The following IL1RAPL1 variants were observed in gnomAD, a reference collection of about 807,000 sequenced individuals.
IL1RAPL1 encodes interleukin-1 receptor accessory protein-like 1.
In IL1RAPL1, 3 loss-of-function variants were observed where a neutral mutation model predicts 48.4. That is an observed-to-expected ratio of 0.06 (90% confidence interval 0.03 to 0.16). IL1RAPL1 has a LOEUF of 0.16. IL1RAPL1 is among the 10% of genes least tolerant of loss of function. The pLI is 1.00. For synonymous variants in IL1RAPL1, 185 were observed against 187.7 expected (o/e 0.99, Z 0.12); for missense variants, 349 against 530.6 (o/e 0.66, Z 3.36).
chrX:29,149,568 G>A (rs748079959), intron 2 of IL1RAPL1, among the ~76,000 whole-genome samples: 1 of 111,731 alleles, frequency 9.0e-6, no homozygotes, highest in South Asian at 3.8e-4. Flanking sequence ...TTTCAGATTT[G>A]AAAGAAACCT....
chrX:29,319,952 T>C (rs1197626929), intron 3 of IL1RAPL1, among the ~76,000 whole-genome samples: 1 of 111,998 alleles, frequency 8.9e-6, no homozygotes, highest in African/African-American at 3.2e-5. Flanking sequence ...ACTAGGAAGT[T>C]GGCAATAAAT....
intron 6 of IL1RAPL1, among the ~76,000 whole-genome samples, chrX:29,842,002 A>C (rs895296252): frequency 1.8e-5 from 2 of 112,162 alleles, no homozygotes; most frequent in Non-Finnish European, 3.8e-5. Flanking sequence ...CACAGAATGC[A>C]CTTAATGCCT....
chrX:28,909,206 A>G (rs1340916925), intron 2 of IL1RAPL1, among the ~76,000 whole-genome samples: 1 of 111,713 alleles, frequency 9.0e-6, no homozygotes, highest in Non-Finnish European at 1.9e-5. Flanking sequence ...ATACAGATGG[A>G]TTAATGACTG....
rs750559246 is a variant in IL1RAPL1, at chrX:28,724,675, G to A, written c.-24-64645G>A. Among the ~76,000 whole-genome samples the A allele has an allele frequency of 9.9e-5, 11 of 110,881 alleles. No individual in the cohort carries two copies. In the East Asian group the frequency reaches 2.3e-3, roughly 23 times the overall value. On this transcript the variant is annotated intron_variant, in intron 1 of 10. Coordinates refer to ENST00000378993, the MANE Select transcript of IL1RAPL1 (RefSeq NM_014271.4). ...GGTTATTTTGCTTGTTAGTGGGTGC[G>A]GTTTCTTCCTAGCCTCGATGGTCTT...
chrX:29,553,729 C>G (rs1409823358), intron 5 of IL1RAPL1, among the ~76,000 whole-genome samples: 1 of 110,925 alleles, frequency 9.0e-6, no homozygotes, highest in African/African-American at 3.3e-5. Flanking sequence ...CATCCTGTCC[C>G]CCTGCCAGAA....
At chrX:28,911,815 A>G (rs376935892) in intron 2 of IL1RAPL1, among the ~76,000 whole-genome samples, 1 of 108,930 alleles carries the variant, frequency 9.2e-6, no homozygotes, top group Non-Finnish European at 1.9e-5. Context: ...ATTGCTTCCA[A>G]TCGTCAGGGA....
intron 5 of IL1RAPL1, among the ~76,000 whole-genome samples, chrX:29,605,071 A>C (rs1331539698): frequency 1.5e-5 from 1 of 65,048 alleles, no homozygotes; most frequent in African/African-American, 5.6e-5. Flanking sequence ...CTAAGTCTTA[A>C]ACACACACAC....
intron 5 of IL1RAPL1, among the ~76,000 whole-genome samples, chrX:29,644,027 T>C (rs943099333): frequency 5.4e-5 from 6 of 112,143 alleles, no homozygotes; most frequent in Non-Finnish European, 1.1e-4. Context: ...GCTTCAAATA[T>C]GTGAAGCAAT....
At chrX:29,307,217 G>A (rs1307339916) in intron 3 of IL1RAPL1, among the ~76,000 whole-genome samples, 4 of 112,096 alleles carry the variant, frequency 3.6e-5, no homozygotes, top group Non-Finnish European at 7.5e-5. Context: ...AATTAATGAT[G>A]CCGCATATGT....
At chrX:29,105,585 T>C (rs1301005087) in intron 2 of IL1RAPL1, among the ~76,000 whole-genome samples, 1 of 112,274 alleles carries the variant, frequency 8.9e-6, no homozygotes, top group East Asian at 2.8e-4. Context: ...ATCTTGCTTC[T>C]TTTTTAACCT....
At chrX:28,786,871 A>G (rs1936481183) in intron 1 of IL1RAPL1, among the ~76,000 whole-genome samples, 1 of 112,200 alleles carries the variant, frequency 8.9e-6, no homozygotes, top group Non-Finnish European at 1.9e-5. Context: ...TTGTATTGCT[A>G]TTTCTGGGTG....
At chrX:28,620,417 G>A (rs1192646104) in intron 1 of IL1RAPL1, among the ~76,000 whole-genome samples, 1 of 111,153 alleles carries the variant, frequency 9.0e-6, no homozygotes, top group East Asian at 2.8e-4. Flanking sequence ...CAAGAATTAG[G>A]CCCCCATCTC....
chrX:28,857,891 A>G (rs182102649), intron 2 of IL1RAPL1, among the ~76,000 whole-genome samples: 3 of 112,068 alleles, frequency 2.7e-5, no homozygotes, highest in Non-Finnish European at 5.6e-5. Context: ...TATAGCTGTG[A>G]TAGATCTAAG....
chrX:29,084,231 T>C (rs1472070290), intron 2 of IL1RAPL1, among the ~76,000 whole-genome samples: 5 of 112,307 alleles, frequency 4.5e-5, no homozygotes, highest in African/African-American at 1.6e-4. Context: ...AATAAGGTAA[T>C]AGTCAAGTTG....
chrX:29,614,150 C>G (rs762267387), intron 5 of IL1RAPL1, among the ~76,000 whole-genome samples: 4 of 111,622 alleles, frequency 3.6e-5, no homozygotes, highest in Admixed American at 9.5e-5. Flanking sequence ...CAAGGATCTT[C>G]TGAGAGATTT....
At chrX:28,873,702 T>C (rs2147309907) in intron 2 of IL1RAPL1, among the ~76,000 whole-genome samples, 1 of 107,436 alleles carries the variant, frequency 9.3e-6, no homozygotes, top group South Asian at 4.2e-4. Flanking sequence ...CGGCTAATTT[T>C]TTGTATTTTT....
At chrX:29,912,914 C>T (rs1421765527) in intron 6 of IL1RAPL1, among the ~76,000 whole-genome samples, 3 of 111,816 alleles carry the variant, frequency 2.7e-5, no homozygotes, top group Non-Finnish European at 5.6e-5. Context: ...TATTCCTAAG[C>T]TCCACCCTGC....
At chrX:29,619,628 G>T (rs1013745512) in intron 5 of IL1RAPL1, among the ~76,000 whole-genome samples, 14 of 111,403 alleles carry the variant, frequency 1.3e-4, no homozygotes, top group African/African-American at 4.6e-4. Context: ...GCATTATATA[G>T]CTCCTTAGAA....
chrX:29,394,331 A>G (rs1400484776), intron 3 of IL1RAPL1, among the ~76,000 whole-genome samples: 2 of 111,539 alleles, frequency 1.8e-5, no homozygotes, highest in Non-Finnish European at 3.8e-5. Context: ...TCCAAATTTC[A>G]TCATTCCTTA....
Sources: allele counts gnomAD v4.1 joint callset (sites outside exome capture counted in the v4.1 genomes callset), GRCh38; gene constraint gnomAD v4.1.1; transcripts MANE v1.5; gene names NCBI Gene and HGNC (gene_info 2026-07-23, HGNC 2026-07-21).